Variants in KCNB2 observed in about 807,000 individuals in gnomAD.
KCNB2 encodes delayed rectifier potassium channel protein.
A neutral mutation model predicts 61.5 loss-of-function variants in KCNB2; 15 were observed. That is an observed-to-expected ratio of 0.24 (90% confidence interval 0.16 to 0.38). KCNB2 has a LOEUF of 0.38. KCNB2 is among the 10% of genes least tolerant of loss of function. KCNB2 has a pLI of 1.00. For missense variants in KCNB2, 828 were observed against 1,125.2 expected, an observed-to-expected ratio of 0.74 and a Z score of 3.78; for synonymous variants, 457 against 446.0, an observed-to-expected ratio of 1.02 and a Z score of -0.31.
intron 2 of KCNB2, among the ~76,000 whole-genome samples, chr8:72,591,246 G>T (rs917974255): frequency 2.0e-5 from 3 of 152,084 alleles, no homozygotes; most frequent in Non-Finnish European, 4.4e-5. Flanking sequence ...CCCTTAAGGC[G>T]CTGCGTAGCT....
At chr8:72,839,044 C>G (rs1487701645) in intron 2 of KCNB2, among the ~76,000 whole-genome samples, 1 of 152,038 alleles carries the variant, frequency 6.6e-6, no homozygotes, top group Non-Finnish European at 1.5e-5. Context: ...CTATTTTAAA[C>G]AATTATAATA....
intron 2 of KCNB2, among the ~76,000 whole-genome samples, chr8:72,672,235 A>G (rs1017602165): frequency 1.9e-4 from 29 of 152,366 alleles, no homozygotes; most frequent in African/African-American, 6.2e-4. Context: ...ATTGCATTAA[A>G]TTAGGTTAAA....
intron 2 of KCNB2, among the ~76,000 whole-genome samples, chr8:72,630,615 A>G (rs1805863919): frequency 6.6e-6 from 1 of 152,140 alleles, no homozygotes; most frequent in Admixed American, 6.6e-5. Context: ...TTACTAAGGC[A>G]TCTGTAGGTA....
intron 2 of KCNB2, among the ~76,000 whole-genome samples, chr8:72,625,081 G>A (rs1003734937): frequency 6.6e-6 from 1 of 152,192 alleles, no homozygotes; most frequent in Non-Finnish European, 1.5e-5. Flanking sequence ...CTTTATAGCA[G>A]CCTGGTGAGA....
At chr8:72,844,615 T>G (rs150212333) in intron 2 of KCNB2, among the ~76,000 whole-genome samples, 1,895 of 152,344 alleles carry the variant, frequency 0.012, 43 homozygotes, top group African/African-American at 0.042. Flanking sequence ...AATCCCATAT[T>G]TCTTGGAGGC....
At chr8:72,762,438 C>G (rs145610833) in intron 2 of KCNB2, among the ~76,000 whole-genome samples, 2 of 152,312 alleles carry the variant, frequency 1.3e-5, no homozygotes, top group East Asian at 3.9e-4. Flanking sequence ...TCCATCCCAT[C>G]TGAGTTCTCC....
At chr8:72,602,981 G>A (rs1333243827) in intron 2 of KCNB2, among the ~76,000 whole-genome samples, 1 of 150,466 alleles carries the variant, frequency 6.6e-6, no homozygotes, top group Non-Finnish European at 1.5e-5. Flanking sequence ...CATGCCCGCT[G>A]ATGTATACAA....
At chr8:72,574,119 G>A (rs894207626) in intron 2 of KCNB2, among the ~76,000 whole-genome samples, 2 of 152,168 alleles carry the variant, frequency 1.3e-5, no homozygotes, top group Non-Finnish European at 2.9e-5. Context: ...AAGAAATAAG[G>A]CATAAGAAAA....
At chr8:72,569,864 A>G (rs1010946520) in intron 2 of KCNB2, among the ~76,000 whole-genome samples, 6 of 152,214 alleles carry the variant, frequency 3.9e-5, no homozygotes, top group African/African-American at 1.4e-4. Context: ...TTCCAGAGAA[A>G]GTTAGCCAAC....
In KCNB2 at chr8:72,682,992, T is replaced by C. The variant is rs542515132; in HGVS notation, c.579+114679T>C. On this transcript the variant is annotated intron_variant, in intron 2 of 2. Transcript: ENST00000523207. ...ATTGCTTCCAAATACTAGAAAAAGT[T>C]GTTTTGTGTTCTTGTTTATCGTGTA... Among the ~76,000 whole-genome samples, 12 of 152,336 alleles carry C rather than the reference T, an allele frequency of 7.9e-5. No individual in the cohort carries two copies. In the East Asian group the frequency reaches 2.3e-3, roughly 29 times the overall value.
intron 2 of KCNB2, among the ~76,000 whole-genome samples, chr8:72,656,655 G>A (rs567298818): frequency 2.0e-5 from 3 of 152,222 alleles, no homozygotes; most frequent in South Asian, 2.1e-4. Context: ...CAATTTGGTC[G>A]TTTTCTAAGC....
intron 2 of KCNB2, among the ~76,000 whole-genome samples, chr8:72,631,949 T>C (rs555056228): frequency 4.1e-4 from 63 of 152,232 alleles, no homozygotes; most frequent in Admixed American, 1.4e-3. Flanking sequence ...TTTAAAGGGT[T>C]AAGTGGGCTG....
intron 2 of KCNB2, among the ~76,000 whole-genome samples, chr8:72,830,713 C>G (rs1440680729): frequency 6.6e-6 from 1 of 152,210 alleles, no homozygotes; most frequent in Non-Finnish European, 1.5e-5. Flanking sequence ...CATGCCTGTC[C>G]TTCCATAGGC....
intron 2 of KCNB2, among the ~76,000 whole-genome samples, chr8:72,614,494 T>C (rs1242237690): frequency 6.6e-6 from 1 of 152,176 alleles, no homozygotes; most frequent in East Asian, 1.9e-4. Context: ...CTGAGCATAT[T>C]GTTCTTACAG....
intron 2 of KCNB2, among the ~76,000 whole-genome samples, chr8:72,906,162 A>G (rs569232768): frequency 1.4e-4 from 22 of 152,322 alleles, no homozygotes; most frequent in African/African-American, 4.3e-4. Context: ...AGGAAGCTTT[A>G]GGGGAGGAAG....
intron 2 of KCNB2, among the ~76,000 whole-genome samples, chr8:72,845,709 C>T (rs994643028): frequency 3.8e-4 from 58 of 152,160 alleles, no homozygotes; most frequent in Non-Finnish European, 8.8e-5. Flanking sequence ...TCGCCCGGTT[C>T]GAACTTCCAG....
intron 2 of KCNB2, among the ~76,000 whole-genome samples, chr8:72,924,756 A>G (rs1307264730): frequency 6.6e-6 from 1 of 152,142 alleles, no homozygotes; most frequent in Non-Finnish European, 1.5e-5. Context: ...CAAACAGTCT[A>G]AATAAGACTC....
chr8:72,681,436 A>T (rs1806751928), intron 2 of KCNB2, among the ~76,000 whole-genome samples: 1 of 152,132 alleles, frequency 6.6e-6, no homozygotes, highest in Non-Finnish European at 1.5e-5. Flanking sequence ...CATCAATGTC[A>T]CTGTTTTCCA....
At chr8:72,777,434 G>T (rs886622563) in intron 2 of KCNB2, among the ~76,000 whole-genome samples, 1 of 152,174 alleles carries the variant, frequency 6.6e-6, no homozygotes, top group African/African-American at 2.4e-5. Flanking sequence ...TGTCTCAGCA[G>T]GCCAGGTCAT....
Sources: gnomAD v4.1 joint callset for allele counts (sites outside exome capture counted in the v4.1 genomes callset) on GRCh38, gnomAD v4.1.1 for gene constraint, MANE v1.5 for transcripts, NCBI Gene and HGNC (gene_info 2026-07-23, HGNC 2026-07-21) for gene names.